ABCA12: variants seen among roughly 807,000 people sequenced by gnomAD.
ABCA12 encodes ATP binding cassette subfamily A member 12.
Under a neutral mutation model 293.5 loss-of-function variants are expected in ABCA12, and 156 were observed. The ratio of observed to expected loss-of-function variants is 0.53; its 90% CI spans 0.47 to 0.61. The LOEUF is 0.61. Ranked by LOEUF, ABCA12 falls within the 20% of genes least tolerant of loss-of-function variation. The pLI is 0.00. For synonymous variants in ABCA12, 1,063 were observed against 1,108.0 expected, an observed-to-expected ratio of 0.96 and a Z score of 0.81; for missense variants, 2,797 against 3,090.2, an observed-to-expected ratio of 0.91 and a Z score of 2.25.
chr2:214,979,552 T>A (rs906677078), intron 31 of ABCA12, among the ~76,000 whole-genome samples: 5 of 151,680 alleles, frequency 3.3e-5, no homozygotes, highest in African/African-American at 4.8e-5. Context: ...TATTAAAAAA[T>A]TTACTAATAG....
At chr2:214,942,860 T>C in intron 50 of ABCA12, 65 bp downstream of exon 50, 1 of 1,401,280 alleles carries the variant, frequency 7.1e-7, no homozygotes, top group African/African-American at 1.4e-5. Context: ...AATCCTTGAA[T>C]CTGAGTGAGC....
intron 15 of ABCA12, among the ~76,000 whole-genome samples, chr2:215,014,003 C>A (rs577655102): frequency 1.1e-3 from 160 of 152,090 alleles, no homozygotes; most frequent in African/African-American, 3.7e-3. Context: ...CAACATGATA[C>A]AACCCCATCC....
rs765091396 is a variant in ABCA12 at position 215,064,216 on chromosome 2, T to C, written c.167A>G (p.Tyr56Cys). 2.5e-6 allele frequency: 4 copies of C among 1,612,100 alleles called. No individual in the cohort carries two copies. The highest frequency in any genetic ancestry group is 2.2e-5 in the South Asian group (2 of 91,048). ...KFPPTAKPTC[Y>C]LAPRNLPSTG... ...ACTAGGAAGGTTTCGAGGTGCGAGG[T>C]AACCTAAAATTAAAAAAACAGTCAT... is the stretch of plus-strand genomic sequence containing the variant. The change falls in exon 3 of 53, where the codon TAC (tyrosine) becomes TGC (cysteine). Residue 56 changes from tyrosine to cysteine, a missense_variant. Physicochemically the swap from Tyr to Cys is radical, Grantham distance 194. This residue lies in a region of ABCA12 where 656 missense variants were observed against 638.2 expected (regional missense o/e 1.03). Coordinates refer to ENST00000272895, the MANE Select transcript of ABCA12 (RefSeq NM_173076.3).
In ABCA12 at chr2:214,991,032, C is replaced by T; in HGVS notation, c.3295-1G>A. 2 of 1,613,562 alleles carry T rather than the reference C, an allele frequency of 1.2e-6. No homozygotes were observed. Among genetic ancestry groups the T allele is most frequent in the East Asian group, 2.2e-5 (1 of 44,856 alleles). On this transcript the variant is annotated splice_acceptor_variant, in intron 23 of 52. Coordinates refer to ENST00000272895, the MANE Select transcript of ABCA12 (RefSeq NM_173076.3). LOFTEE classifies it high-confidence loss of function. ...AGTTCACACCCATCATCTTCATGTA[C>T]TGTAAGAAGAAAAAATGTGAGGCGC... is the stretch of plus-strand genomic sequence containing the variant.
At chr2:214,989,210 A>ATATATATATATAT (rs60341150) in intron 26 of ABCA12, 119 bp downstream of exon 26, 245 of 149,288 alleles carry the variant, frequency 1.6e-3, no homozygotes, top group Non-Finnish European at 2.1e-3. Context: ...ATATATATAT[A>ATATATATATATAT]ATATTTTTAT....
chr2:215,053,604 CACCATGTTCCTGCT>C (rs889695804), intron 4 of ABCA12, among the ~76,000 whole-genome samples: 1 of 152,080 alleles, frequency 6.6e-6, no homozygotes, highest in African/African-American at 2.4e-5. Flanking sequence ...AACCATTCAC[CACCATGTTCCTGCT>C]ACATTAACAT....
Position 214,958,457 on chromosome 2 carries a change from A to G in ABCA12, c.5940-3T>C, listed in dbSNP as rs1699019212. ...AAATATCGATTAAACTGCTGATTCT[A>G]GAGTGAGCAATAGGGAGAGGAAAAC... On this transcript the variant is annotated splice_region_variant and splice_polypyrimidine_tract_variant and intron_variant, in intron 40 of 52. Coordinates refer to ENST00000272895, the MANE Select transcript of ABCA12 (RefSeq NM_173076.3). The G allele has an allele frequency of 1.2e-6, 2 of 1,613,644 alleles. No homozygotes were observed. Among genetic ancestry groups the G allele is most frequent in the Non-Finnish European group, 1.7e-6 (2 of 1,179,782 alleles).
At chr2:214,955,158 C>T (rs1264316308) in intron 43 of ABCA12, 44 bp downstream of exon 43, 1 of 1,599,976 alleles carries the variant, frequency 6.3e-7, no homozygotes, top group Non-Finnish European at 8.6e-7. Flanking sequence ...CCACCTGGAA[C>T]ATGTTGAAGC....
intron 39 of ABCA12, among the ~76,000 whole-genome samples, chr2:214,963,605 C>CAAAA (rs57895778): frequency 1.1e-4 from 8 of 70,180 alleles, no homozygotes; most frequent in African/African-American, 2.8e-4. Context: ...GCAGAGATAC[C>CAAAA]AAAAAAAAAA....
chr2:214,986,542 A>T lies in ABCA12; in HGVS notation c.4163T>A (p.Ile1388Asn). ...AATAAATGTCAAAAAGTTAACATAC[A>T]TGGTAGTAGTTTTCCCAGCTCCATT... ...GPNGAGKTTT[I>N]SMLTGLFGAS... Residue 1388 changes from isoleucine to asparagine, a missense_variant and splice_region_variant, in exon 28 of 53, where the codon ATT becomes AAT. Ile to Asn is a moderately radical substitution (Grantham distance 149). Transcript: ENST00000272895. 1 of 1,613,958 alleles carries T rather than the reference A, an allele frequency of 6.2e-7. No individual in the cohort carries two copies. Among genetic ancestry groups the T allele is most frequent in the East Asian group, 2.2e-5 (1 of 44,870 alleles).
At chr2:214,986,832 C>T in intron 27 of ABCA12, 104 bp from the exon 28 acceptor site, 3 of 1,032,034 alleles carry the variant, frequency 2.9e-6, no homozygotes. Flanking sequence ...AAATATAACC[C>T]TCTAAGTAAA....
chr2:214,993,432 T>G (rs141397316), intron 23 of ABCA12, among the ~76,000 whole-genome samples: 13 of 152,370 alleles, frequency 8.5e-5, no homozygotes, highest in African/African-American at 2.9e-4. Flanking sequence ...TCTTTGCGTG[T>G]ACCCTACCCC....
At chr2:215,134,609 A>C (rs1338830413) in intron 1 of ABCA12, among the ~76,000 whole-genome samples, 2 of 100,354 alleles carry the variant, frequency 2.0e-5, no homozygotes, top group Admixed American at 2.0e-4. Flanking sequence ...CTATATATAT[A>C]TATATATAGA....
chr2:214,982,448 A>C, intron 29 of ABCA12, 65 bp from the exon 30 acceptor site: 1 of 1,353,720 alleles, frequency 7.4e-7, no homozygotes, highest in South Asian at 1.2e-5. Context: ...GGAAACATAC[A>C]ATAACCCTAA....
intron 48 of ABCA12, 26 bp from the exon 49 acceptor site, chr2:214,945,130 TTATCA>T: frequency 6.4e-7 from 1 of 1,562,814 alleles, no homozygotes; most frequent in Non-Finnish European, 8.8e-7. Flanking sequence ...CAACAAAAAT[TTATCA>T]AATTAATTAA....
chr2:215,017,894 T>C lies in ABCA12; in HGVS notation c.1782+114A>G, dbSNP rs972850021. On this transcript the variant is annotated intron_variant, in intron 14 of 52. Coordinates refer to ENST00000272895, the MANE Select transcript of ABCA12 (RefSeq NM_173076.3). ...CCAGGTTTATCACTTGCATAGAAAA[T>C]TCACCAGATTAGCATGCAACTTCTC... is the stretch of plus-strand genomic sequence containing the variant. 13 of 1,462,346 alleles carry C rather than the reference T, an allele frequency of 8.9e-6. No individual in the cohort carries two copies. The Admixed American group carries it at 1.6e-4, about 18-fold the overall frequency. The allele number at this position is 1,462,346 out of a possible 1,614,324, so 90.6% of individuals were successfully genotyped here.
chr2:214,949,295 T>G, intron 45 of ABCA12, 146 bp from the exon 46 acceptor site: 1 of 664,202 alleles, frequency 1.5e-6, no homozygotes, highest in East Asian at 2.8e-5. Flanking sequence ...GTAATGCTCT[T>G]GATAAAACTT....
At chr2:215,076,291 G>A (rs1701831675) in intron 2 of ABCA12, among the ~76,000 whole-genome samples, 1 of 152,120 alleles carries the variant, frequency 6.6e-6, no homozygotes, top group Admixed American at 6.5e-5. Context: ...CAAAGTTACT[G>A]TCTCATTAAG....
intron 23 of ABCA12, among the ~76,000 whole-genome samples, chr2:214,992,514 T>TA (rs1553527752): frequency 2.7e-4 from 18 of 67,526 alleles, no homozygotes; most frequent in African/African-American, 1.1e-3. Flanking sequence ...CAACCTAGTA[T>TA]CCCCCCCCTT....
Sources: allele counts gnomAD v4.1 joint callset (sites outside exome capture counted in the v4.1 genomes callset), GRCh38; gene constraint gnomAD v4.1.1; regional missense constraint gnomAD v4.1.1; transcripts MANE v1.5; gene names NCBI Gene and HGNC (gene_info 2026-07-23, HGNC 2026-07-21).